SPOCK1: variants seen among roughly 807,000 people sequenced by gnomAD.
SPOCK1 encodes the protein testican-1.
SPOCK1 carries 23 observed loss-of-function variants against 55.3 expected under a neutral mutation model. The observed-to-expected ratio is 0.42, with a 90% CI of 0.30 to 0.59. SPOCK1 has a LOEUF of 0.59. SPOCK1 is among the 20% of genes least tolerant of loss of function. The probability of loss-of-function intolerance (pLI) is 0.22; values close to 1 mark genes in which losing one functional copy is unlikely to be tolerated. For synonymous variants in SPOCK1, 226 were observed against 221.0 expected (o/e 1.02, Z -0.20); for missense variants, 499 against 552.5 (o/e 0.90, Z 0.97).
intron 5 of SPOCK1, among the ~76,000 whole-genome samples, chr5:137,079,648 C>T (rs1752841310): frequency 6.6e-6 from 1 of 152,022 alleles, no homozygotes; most frequent in Admixed American, 6.6e-5. Context: ...CCATCTGGTA[C>T]TGATGCTGCT....
chr5:137,160,572 T>A (rs1451111502), intron 3 of SPOCK1, among the ~76,000 whole-genome samples: 1,242 of 49,794 alleles, frequency 0.025, 74 homozygotes, highest in African/African-American at 0.11. Flanking sequence ...TATTATATAT[T>A]ATATAATATA....
At position 136,978,899 on chromosome 5, in the gene SPOCK1, C is replaced by T. The variant is rs191456076; in HGVS notation, c.1130-55G>A. ...GTTTCCACTTATACCTCATGACCCACGTCAGGGGTTCCTTTGCCTGAATTG... is the reference window on the plus strand; with the variant it reads ...GTTTCCACTTATACCTCATGACCCATGTCAGGGGTTCCTTTGCCTGAATTG... On this transcript the variant is annotated intron_variant, in intron 10 of 10. Coordinates refer to ENST00000394945, the MANE Select transcript of SPOCK1 (RefSeq NM_004598.4). 128 of 1,518,868 alleles carry T rather than the reference C, an allele frequency of 8.4e-5. No individual in the cohort carries two copies. The African/African-American group carries it at 1.4e-3, about 16-fold the overall frequency. 94.1% of individuals were successfully genotyped at this position (1,518,868 alleles called of 1,614,324 possible). A position where few individuals can be genotyped will look rare whatever the true frequency, so the allele number is the denominator to read the frequency against.
intron 2 of SPOCK1, among the ~76,000 whole-genome samples, chr5:137,404,432 CAG>C (rs56863669): frequency 0.39 from 54,452 of 137,984 alleles, 10,870 homozygotes; most frequent in East Asian, 0.65. Flanking sequence ...TTTTTTGAGA[CAG>C]AGTCTTGCAC....
chr5:137,369,700 G>T (rs1751156250), intron 2 of SPOCK1, among the ~76,000 whole-genome samples: 1 of 152,216 alleles, frequency 6.6e-6, no homozygotes, highest in Non-Finnish European at 1.5e-5. Context: ...CTAAGATCAA[G>T]GTGCTGGCCA....
At chr5:137,276,343 G>A (rs1465732509) in intron 2 of SPOCK1, among the ~76,000 whole-genome samples, 1 of 152,148 alleles carries the variant, frequency 6.6e-6, no homozygotes, top group Non-Finnish European at 1.5e-5. Context: ...TCTTCTCGTG[G>A]AAAGCCTTCC....
chr5:137,375,621 T>C (rs1751295038), intron 2 of SPOCK1, among the ~76,000 whole-genome samples: 1 of 152,186 alleles, frequency 6.6e-6, no homozygotes, highest in Admixed American at 6.5e-5. Context: ...CAAAAATATC[T>C]CAGTAAATTA....
At chr5:137,396,090 A>G (rs890880140) in intron 2 of SPOCK1, among the ~76,000 whole-genome samples, 1 of 152,302 alleles carries the variant, frequency 6.6e-6, no homozygotes, top group Non-Finnish European at 1.5e-5. Context: ...TCCACTATCT[A>G]GAGACAGATG....
chr5:137,426,113 G>C (rs1169458675), intron 2 of SPOCK1, among the ~76,000 whole-genome samples: 1 of 152,166 alleles, frequency 6.6e-6, no homozygotes, highest in Non-Finnish European at 1.5e-5. Context: ...GATTGCTATA[G>C]TTTTTGCATC....
At chr5:137,104,338 C>T (rs1753325713) in intron 5 of SPOCK1, among the ~76,000 whole-genome samples, 1 of 152,194 alleles carries the variant, frequency 6.6e-6, no homozygotes, top group African/African-American at 2.4e-5. Flanking sequence ...CCTGAGGCCT[C>T]CCCAGAAGCA....
At chr5:137,297,871 G>A (rs1757518500) in intron 2 of SPOCK1, among the ~76,000 whole-genome samples, 1 of 152,116 alleles carries the variant, frequency 6.6e-6, no homozygotes, top group Non-Finnish European at 1.5e-5. Context: ...TACAAATCGG[G>A]TAGGAATGGA....
At chr5:137,080,545 A>C (rs1033168659) in intron 5 of SPOCK1, among the ~76,000 whole-genome samples, 1 of 152,142 alleles carries the variant, frequency 6.6e-6, no homozygotes, top group Admixed American at 6.5e-5. Flanking sequence ...GGATGTCTCT[A>C]TAGAACCCCT....
intron 2 of SPOCK1, among the ~76,000 whole-genome samples, chr5:137,398,938 C>G (rs1194256510): frequency 6.6e-6 from 1 of 152,100 alleles, no homozygotes; most frequent in Non-Finnish European, 1.5e-5. Flanking sequence ...TTCCAAAAAC[C>G]TGACACTGCA....
chr5:137,382,006 ACACATACGAG>A (rs937981461), intron 2 of SPOCK1, among the ~76,000 whole-genome samples: 3 of 152,148 alleles, frequency 2.0e-5, no homozygotes, highest in African/African-American at 7.2e-5. Flanking sequence ...CTCTTTCTTC[ACACATACGAG>A]CATATACATT....
At chr5:137,417,700 T>A (rs1752369877) in intron 2 of SPOCK1, among the ~76,000 whole-genome samples, 1 of 152,222 alleles carries the variant, frequency 6.6e-6, no homozygotes. Context: ...TAGTTTGTTC[T>A]TATGCATATC....
intron 2 of SPOCK1, among the ~76,000 whole-genome samples, chr5:137,283,785 T>C (rs1324859289): frequency 6.7e-6 from 1 of 149,150 alleles, no homozygotes; most frequent in African/African-American, 2.5e-5. Context: ...ATTCTGCAAA[T>C]AGCATTCAAG....
At chr5:137,415,106 T>A (rs1321698618) in intron 2 of SPOCK1, among the ~76,000 whole-genome samples, 1 of 152,102 alleles carries the variant, frequency 6.6e-6, no homozygotes, top group South Asian at 2.1e-4. Flanking sequence ...ATACAAGCCA[T>A]TTGGGGGATT....
intron 2 of SPOCK1, among the ~76,000 whole-genome samples, chr5:137,463,611 A>T (rs1325835736): frequency 6.6e-6 from 1 of 152,174 alleles, no homozygotes; most frequent in African/African-American, 2.4e-5. Flanking sequence ...TTGATAGTAT[A>T]GCAGGGGGAC....
At position 137,395,451 on chromosome 5, in the gene SPOCK1, C is replaced by T. The variant is rs1406941922; in HGVS notation, c.186+102922G>A. On this transcript the variant is annotated intron_variant, in intron 2 of 10. Coordinates refer to ENST00000394945, the MANE Select transcript of SPOCK1 (RefSeq NM_004598.4). ...TTTCACTGGTCTGGGATGAGCTGGT[C>T]TCCATCAGGGAGCAAAGTGGTAAAC... Among the ~76,000 whole-genome samples the T allele has an allele frequency of 1.3e-5, 2 of 152,174 alleles. 1 individual carries two copies. Among genetic ancestry groups the T allele is most frequent in the Middle Eastern group, 6.3e-3 (2 of 316 alleles).
chr5:137,073,965 C>T (rs983765332), intron 5 of SPOCK1, among the ~76,000 whole-genome samples: 3 of 152,148 alleles, frequency 2.0e-5, no homozygotes, highest in African/African-American at 4.8e-5. Context: ...CCACTGGCGG[C>T]GGGACAGGCT....
Sources: allele counts gnomAD v4.1 joint callset (sites outside exome capture counted in the v4.1 genomes callset), GRCh38; gene constraint gnomAD v4.1.1; transcripts MANE v1.5; gene names NCBI Gene and HGNC (gene_info 2026-07-23, HGNC 2026-07-21).